The following AJUBA variants were observed in gnomAD, a reference collection of about 807,000 sequenced individuals.
AJUBA encodes the protein ajuba LIM protein.
A neutral mutation model predicts 53.3 loss-of-function variants in AJUBA; 20 were observed. The observed-to-expected ratio is 0.38, with a 90% CI of 0.26 to 0.55. AJUBA has a LOEUF of 0.55. AJUBA is among the 20% of genes least tolerant of loss of function. AJUBA has a pLI of 0.80. For synonymous variants in AJUBA, 296 were observed against 306.2 expected, an observed-to-expected ratio of 0.97 and a Z score of 0.35; for missense variants, 580 against 730.5, an observed-to-expected ratio of 0.79 and a Z score of 2.38.
intron 2 of AJUBA, chr14:22,977,307 G>A (rs2045046593): frequency 1.5e-6 from 1 of 679,396 alleles, no homozygotes; most frequent in Non-Finnish European, 1.8e-6. Context: ...AAGCTTAGAG[G>A]GACCCAGAGT....
Position 22,973,281 on chromosome 14 carries a change from T to C in AJUBA, c.*162A>G, listed in dbSNP as rs1269052007. The stretch of plus-strand genomic sequence containing the variant: ...TATAAGGTTTCTCTTCCACAATCCA[T>C]TTGGAATATCATGATCTTTGGGTCT... On this transcript the variant is annotated 3_prime_UTR_variant, in exon 8 of 8. Transcript: ENST00000262713. The C allele has an allele frequency of 1.9e-6, 2 of 1,066,856 alleles. No individual in the cohort carries two copies. Among genetic ancestry groups the C allele is most frequent in the Non-Finnish European group, 2.6e-6 (2 of 758,250 alleles). 66.1% of individuals were successfully genotyped at this position (1,066,856 alleles called of 1,614,324 possible).
chr14:22,974,693 C>A, intron 6 of AJUBA, 146 bp downstream of exon 6: 7 of 944,758 alleles, frequency 7.4e-6, no homozygotes, highest in Non-Finnish European at 7.8e-6. Context: ...GGGTGGTGAC[C>A]CCAAGAGGCA....
intron 6 of AJUBA, among the ~76,000 whole-genome samples, 163 bp from the exon 7 acceptor site, chr14:22,974,278 G>A (rs2045013345): frequency 6.6e-6 from 1 of 152,086 alleles, no homozygotes; most frequent in South Asian, 2.1e-4. Flanking sequence ...AATCCTACCA[G>A]AACTCTCATC....
At chr14:22,980,457 A>T (rs2045076079) in intron 1 of AJUBA, 2 of 407,158 alleles carry the variant, frequency 4.9e-6, no homozygotes, top group Admixed American at 1.3e-4. Context: ...ATTCAAGGCC[A>T]AGTTATTTCT....
chr14:22,980,575 GTC>G, intron 1 of AJUBA: 3 of 984,970 alleles, frequency 3.0e-6, no homozygotes, highest in Non-Finnish European at 3.6e-6. Context: ...GTACTACTGG[GTC>G]TCTGATTAAA....
chr14:22,980,540 C>T (rs1469313819), intron 1 of AJUBA: 4 of 965,852 alleles, frequency 4.1e-6, no homozygotes, highest in Non-Finnish European at 2.5e-6. Flanking sequence ...CCCTGACTTC[C>T]GGAGGATGGG....
Position 22,972,092 on chromosome 14 carries a change from T to TAGTCATTA in AJUBA, c.*1343_*1350dup. On this transcript the variant is annotated 3_prime_UTR_variant, in exon 8 of 8. Transcript: ENST00000262713. Reference sequence around the variant, plus strand: ...AATAGGAATTGAGCTTTTGGCAAATTAGTCATTAAGTCATTAACTTTAAGC... The same window carrying TAGTCATTA: ...AATAGGAATTGAGCTTTTGGCAAATTAGTCATTAAGTCATTAAGTCATTAACTTTAAGC... 1 of 152,740 alleles carries TAGTCATTA rather than the reference T, an allele frequency of 6.5e-6. No homozygotes were observed. Among genetic ancestry groups the TAGTCATTA allele is most frequent in the Middle Eastern group, 3.4e-3 (1 of 294 alleles). The allele number at this position is 152,740 out of a possible 1,614,324, so 9.5% of individuals were successfully genotyped here. A position where few individuals can be genotyped will look rare whatever the true frequency, so the allele number is the denominator to read the frequency against.
intron 1 of AJUBA, among the ~76,000 whole-genome samples, chr14:22,980,008 G>A (rs2045072559): frequency 6.6e-6 from 1 of 151,894 alleles, no homozygotes; most frequent in Admixed American, 6.6e-5. Context: ...TGGGGGTGGA[G>A]GCTGGGGGTT....
chr14:22,981,217 C>T (rs781089718), intron 1 of AJUBA, 44 bp downstream of exon 1: 3 of 1,541,960 alleles, frequency 1.9e-6, no homozygotes, highest in Non-Finnish European at 1.8e-6. Flanking sequence ...GAACCGAATA[C>T]CGTGACGGGT....
chr14:22,973,406 TTGTC>T lies in AJUBA; in HGVS notation c.*33_*36del, dbSNP rs765314310. ...AGAGGGGCCCACTGGCCACAGCAGT[TTGTC>T]TGCAGGGTGACAGCAGCAGCAGTGA... On this transcript the variant is annotated 3_prime_UTR_variant, in exon 8 of 8. Coordinates refer to ENST00000262713, the MANE Select transcript of AJUBA (RefSeq NM_032876.6). 1.3e-6 allele frequency: 2 copies of T among 1,583,102 alleles called. No homozygotes were observed. Among genetic ancestry groups the T allele is most frequent in the Non-Finnish European group, 8.6e-7 (1 of 1,164,544 alleles).
chr14:22,976,629 G>C lies in AJUBA; in HGVS notation c.1176+16C>G, dbSNP rs1217697429. On this transcript the variant is annotated intron_variant, in intron 3 of 7. Transcript: ENST00000262713. ...AGTATGGAAACCAATTCCAGGTCCA[G>C]GTGACCCTTACTCACCAGATAATCT... 6.2e-7 allele frequency: 1 copy of C among 1,613,784 alleles called. No homozygotes were observed. Among genetic ancestry groups the C allele is most frequent in the South Asian group, 1.1e-5 (1 of 91,038 alleles).
intron 1 of AJUBA, among the ~76,000 whole-genome samples, chr14:22,980,176 G>A (rs1439321135): frequency 6.6e-6 from 1 of 152,200 alleles, no homozygotes. Flanking sequence ...GAGATGCTTA[G>A]AAAAGTGAAA....
rs2044984174 is a variant in AJUBA at position 22,971,627 on chromosome 14, TTCATTG to T, written c.*1810_*1815del. ...GTTATTACTGTTGTCTGTATAACTT[TTCATTG>T]TAAGTCAACTGAATATGCCTCATGC... On this transcript the variant is annotated 3_prime_UTR_variant, in exon 8 of 8. Coordinates refer to ENST00000262713, the MANE Select transcript of AJUBA (RefSeq NM_032876.6). 1 of 152,258 alleles carries T rather than the reference TTCATTG, an allele frequency of 6.6e-6. No homozygotes were observed. Among genetic ancestry groups the T allele is most frequent in the South Asian group, 2.1e-4 (1 of 4,836 alleles). The allele number at this position is 152,258 out of a possible 1,614,324, so 9.4% of individuals were successfully genotyped here.
At position 22,982,542 on chromosome 14, in the gene AJUBA, T is replaced by C; in HGVS notation, c.-276A>G. 1 of 1,294,058 alleles carries C rather than the reference T, an allele frequency of 7.7e-7. No individual in the cohort carries two copies. The highest frequency in any genetic ancestry group is 9.8e-7 in the Non-Finnish European group (1 of 1,019,854). The allele number at this position is 1,294,058 out of a possible 1,614,324, so 80.2% of individuals were successfully genotyped here. On this transcript the variant is annotated 5_prime_UTR_variant, in exon 1 of 8. Coordinates refer to ENST00000262713, the MANE Select transcript of AJUBA (RefSeq NM_032876.6). ...CAGGTCTATCTGTTCACGCGTCGAC[T>C]CGCCCGACTGCCCCACTCTCCCCGG...
intron 1 of AJUBA, among the ~76,000 whole-genome samples, chr14:22,980,001 G>A (rs1199090604): frequency 6.6e-6 from 1 of 151,850 alleles, no homozygotes; most frequent in Non-Finnish European, 1.5e-5. Context: ...AAAAGAATGG[G>A]GGTGGAGGCT....
At position 22,982,502 on chromosome 14, in the gene AJUBA, C is replaced by T. The variant is rs1464838611; in HGVS notation, c.-236G>A. 14 of 1,396,702 alleles carry T rather than the reference C, an allele frequency of 1.0e-5. No homozygotes were observed. Among genetic ancestry groups the T allele is most frequent in the African/African-American group, 6.0e-5 (4 of 66,376 alleles). 86.5% of individuals were successfully genotyped at this position (1,396,702 alleles called of 1,614,324 possible). A position where few individuals can be genotyped will look rare whatever the true frequency, so the allele number is the denominator to read the frequency against. ...GCGGGGCTAGCAGGGTCTCTGGCCG[C>T]GGCTGTCCAGTCCGCAGGTCTATCT... On this transcript the variant is annotated 5_prime_UTR_variant, in exon 1 of 8. Transcript: ENST00000262713.
chr14:22,982,049 T>A lies in AJUBA; in HGVS notation c.218A>T (p.Glu73Val). The A allele has an allele frequency of 6.3e-7, 1 of 1,592,498 alleles. No homozygotes were observed. Among genetic ancestry groups the A allele is most frequent in the Non-Finnish European group, 8.5e-7 (1 of 1,173,898 alleles). The part of the protein sequence containing the change: ...PAREQGSLDA[E>V]RNQRGSFEAP... ...CTCAAAGGAGCCGCGCTGATTTCGC[T>A]CAGCGTCCAGGGAACCTTGCTCCCG... The change falls in exon 1 of 8, where the codon GAG (glutamate) becomes GTG (valine). Residue 73 changes from glutamate (E) to valine (V), a missense_variant. Physicochemically the swap from Glu to Val is moderately radical, Grantham distance 121. Coordinates refer to ENST00000262713, the MANE Select transcript of AJUBA (RefSeq NM_032876.6).
rs1016491249 is a variant in AJUBA, at chr14:22,981,795, A to C, written c.472T>G (p.Cys158Gly). Residue 158 changes from cysteine to glycine, a missense_variant, in exon 1 of 8, where the codon TGC becomes GGC. Coordinates refer to ENST00000262713, the MANE Select transcript of AJUBA (RefSeq NM_032876.6). ...GAGGAGGSRP[C>G]SNRTSGISMG... ...CTGATGCCGCTGGTGCGATTGCTGC[A>C]GGGCCGGCTACCTCCAGCTCCGCCA... 8 of 1,533,956 alleles carry C rather than the reference A, an allele frequency of 5.2e-6. No individual in the cohort carries two copies. Among genetic ancestry groups the C allele is most frequent in the Non-Finnish European group, 7.0e-6 (8 of 1,146,250 alleles).
intron 1 of AJUBA, chr14:22,980,514 G>T (rs2045076768): frequency 1.2e-6 from 1 of 817,192 alleles, no homozygotes; most frequent in Non-Finnish European, 1.5e-6. Context: ...TGGTGTCCCA[G>T]TAGTCATGAC....
Sources: allele counts gnomAD v4.1 joint callset (sites outside exome capture counted in the v4.1 genomes callset), GRCh38; gene constraint gnomAD v4.1.1; transcripts MANE v1.5; gene names NCBI Gene and HGNC (gene_info 2026-07-23, HGNC 2026-07-21).